The following ATP6V1G1 variants were observed in gnomAD, a reference collection of about 807,000 sequenced individuals.
ATP6V1G1 encodes the protein V-type proton ATPase subunit G 1.
A neutral mutation model predicts 14.2 loss-of-function variants in ATP6V1G1; 14 were observed. That is an observed-to-expected ratio of 0.99 (90% CI 0.65 to 1.55). The LOEUF (loss-of-function observed/expected upper bound fraction) is 1.55, where lower values mean the gene tolerates loss of function less well. Ranked by LOEUF, ATP6V1G1 falls within the 40% of genes most tolerant of loss-of-function variation. ATP6V1G1 has a pLI of 0.00. For missense variants in ATP6V1G1, 137 were observed against 146.4 expected, an observed-to-expected ratio of 0.94 and a Z score of 0.33; for synonymous variants, 65 against 53.3, an observed-to-expected ratio of 1.22 and a Z score of -0.96.
intron 1 of ATP6V1G1, among the ~76,000 whole-genome samples, chr9:114,589,067 C>G (rs1386985381): frequency 6.6e-6 from 1 of 152,142 alleles, no homozygotes; most frequent in Non-Finnish European, 1.5e-5. Flanking sequence ...TTTTCCAATT[C>G]TCCTCCCCTT....
At chr9:114,588,039 G>A in intron 1 of ATP6V1G1, 119 bp downstream of exon 1, 2 of 1,133,724 alleles carry the variant, frequency 1.8e-6, no homozygotes, top group East Asian at 5.2e-5. Flanking sequence ...TATAGTCGCG[G>A]AAGGTTGTGT....
At chr9:114,594,861 CTTTTTTTTTTT>C (rs71997716) in intron 2 of ATP6V1G1, among the ~76,000 whole-genome samples, 2 of 110,580 alleles carry the variant, frequency 1.8e-5, no homozygotes, top group Admixed American at 9.8e-5. Flanking sequence ...TTCTTTTTTT[CTTTTTTTTTTT>C]TTTTTTGAGA....
At chr9:114,589,306 C>T (rs1845160474) in intron 1 of ATP6V1G1, among the ~76,000 whole-genome samples, 1 of 152,110 alleles carries the variant, frequency 6.6e-6, no homozygotes. Flanking sequence ...TCCAGTTTCC[C>T]GTCTGGTGAG....
chr9:114,590,682 TTAAG>T (rs997166866), intron 1 of ATP6V1G1, among the ~76,000 whole-genome samples: 66 of 152,178 alleles, frequency 4.3e-4, no homozygotes, highest in African/African-American at 1.5e-3. Context: ...ATTTGCCCAG[TTAAG>T]AGTTGGGAAG....
At chr9:114,589,591 A>G (rs1486829719) in intron 1 of ATP6V1G1, among the ~76,000 whole-genome samples, 3 of 152,196 alleles carry the variant, frequency 2.0e-5, no homozygotes, top group African/African-American at 7.2e-5. Flanking sequence ...GGGAATGAGA[A>G]GAAGCCTTTT....
At chr9:114,587,959 C>A in intron 1 of ATP6V1G1, 39 bp downstream of exon 1, 1 of 1,550,458 alleles carries the variant, frequency 6.4e-7, no homozygotes, top group East Asian at 2.4e-5. Context: ...TGGCGCGAGT[C>A]GAAGAAAGAC....
At chr9:114,590,789 A>G (rs145864137) in intron 1 of ATP6V1G1, among the ~76,000 whole-genome samples, 30 of 151,596 alleles carry the variant, frequency 2.0e-4, no homozygotes, top group African/African-American at 6.5e-4. Context: ...TTTATTTTAT[A>G]TATTTTGTTT....
chr9:114,591,459 A>G (rs1845181417), intron 1 of ATP6V1G1, among the ~76,000 whole-genome samples: 1 of 152,216 alleles, frequency 6.6e-6, no homozygotes, highest in Admixed American at 6.5e-5. Context: ...ATGGGAAGAT[A>G]GCATGTGAAG....
At chr9:114,588,022 G>A (rs1230645859) in intron 1 of ATP6V1G1, 102 bp downstream of exon 1, 3 of 1,269,422 alleles carry the variant, frequency 2.4e-6, no homozygotes, top group Non-Finnish European at 2.2e-6. Flanking sequence ...CGGGGTGCGG[G>A]CGTGCGTATA....
chr9:114,597,817 T>C lies in ATP6V1G1; in HGVS notation c.*74T>C. ...AATATGAAGCTTAGCACAGCTCTAG[T>C]TACATTCTTATGATATGGCATTAAA... On this transcript the variant is annotated 3_prime_UTR_variant, in exon 3 of 3. Coordinates refer to ENST00000374050, the MANE Select transcript of ATP6V1G1 (RefSeq NM_004888.4). 1 of 1,295,328 alleles carries C rather than the reference T, an allele frequency of 7.7e-7. No individual in the cohort carries two copies. The highest frequency in any genetic ancestry group is 1.0e-6 in the Non-Finnish European group (1 of 994,134). The allele number at this position is 1,295,328 out of a possible 1,614,324, so 80.2% of individuals were successfully genotyped here.
chr9:114,597,565 T>A lies in ATP6V1G1; in HGVS notation c.184-5T>A, dbSNP rs774285495. 3.8e-5 allele frequency: 56 copies of A among 1,492,378 alleles called. No homozygotes were observed. Among genetic ancestry groups the A allele is most frequent in the Admixed American group, 4.8e-5 (2 of 41,868 alleles). The allele number at this position is 1,492,378 out of a possible 1,614,324, so 92.4% of individuals were successfully genotyped here. ...TCCCTCCGTGACATCACTCCCCATCTCCAGGCATTGGGATCCCGTGGCAGT... is the reference window on the plus strand; with the variant it reads ...TCCCTCCGTGACATCACTCCCCATCACCAGGCATTGGGATCCCGTGGCAGT... On this transcript the variant is annotated splice_polypyrimidine_tract_variant and splice_region_variant and intron_variant, in intron 2 of 2. Transcript: ENST00000374050.
intron 1 of ATP6V1G1, 139 bp downstream of exon 1, chr9:114,588,059 CT>C: frequency 1.1e-6 from 1 of 913,066 alleles, no homozygotes; most frequent in Non-Finnish European, 1.6e-6. Flanking sequence ...TGTTTCGAAG[CT>C]TTGAGGAGCT....
At chr9:114,594,283 T>G in intron 2 of ATP6V1G1, among the ~76,000 whole-genome samples, 1 of 151,968 alleles carries the variant, frequency 6.6e-6, no homozygotes, top group Non-Finnish European at 1.5e-5. Context: ...TGGTCAGGCT[T>G]GTCTTGAACT....
intron 1 of ATP6V1G1, among the ~76,000 whole-genome samples, chr9:114,589,335 A>G (rs1303263713): frequency 1.3e-5 from 2 of 152,276 alleles, no homozygotes; most frequent in South Asian, 2.1e-4. Flanking sequence ...TTCTATCCCT[A>G]TTTTACAGAT....
intron 1 of ATP6V1G1, among the ~76,000 whole-genome samples, chr9:114,591,293 A>G (rs1230617584): frequency 1.3e-5 from 2 of 152,226 alleles, no homozygotes; most frequent in Non-Finnish European, 2.9e-5. Flanking sequence ...AAATGGTATT[A>G]TCCTGAGTTA....
At chr9:114,591,560 T>C (rs1448794632) in intron 1 of ATP6V1G1, among the ~76,000 whole-genome samples, 1 of 152,178 alleles carries the variant, frequency 6.6e-6, no homozygotes, top group Non-Finnish European at 1.5e-5. Flanking sequence ...CTTGGAGTTT[T>C]GAGAGAGAGA....
chr9:114,593,001 A>G (rs1564274399), intron 2 of ATP6V1G1, among the ~76,000 whole-genome samples: 1 of 152,244 alleles, frequency 6.6e-6, no homozygotes, highest in Non-Finnish European at 1.5e-5. Context: ...TCAGTAATAC[A>G]GTGCAAATCA....
intron 2 of ATP6V1G1, among the ~76,000 whole-genome samples, chr9:114,594,227 A>G (rs758540735): frequency 6.6e-6 from 1 of 151,492 alleles, no homozygotes; most frequent in Non-Finnish European, 1.5e-5. Flanking sequence ...GCGCCACCAC[A>G]TCCGGCTAAA....
intron 1 of ATP6V1G1, among the ~76,000 whole-genome samples, chr9:114,591,691 C>T (rs1308293412): frequency 6.6e-6 from 1 of 152,080 alleles, no homozygotes; most frequent in Non-Finnish European, 1.5e-5. Flanking sequence ...CACTCATTCG[C>T]GTGGACTCTA....
Sources: gnomAD v4.1 joint callset for allele counts (sites outside exome capture counted in the v4.1 genomes callset) on GRCh38, gnomAD v4.1.1 for gene constraint, MANE v1.5 for transcripts, NCBI Gene and HGNC (gene_info 2026-07-23, HGNC 2026-07-21) for gene names.